CADM2: variants seen among roughly 807,000 people sequenced by gnomAD.
The protein encoded by CADM2 is immunoglobulin superfamily member 4D.
Under a neutral mutation model 49.8 loss-of-function variants are expected in CADM2, and 12 were observed. The observed-to-expected ratio is 0.24, with a 90% confidence interval of 0.15 to 0.39. The LOEUF is 0.39. Ranked by LOEUF, CADM2 falls within the 10% of genes least tolerant of loss-of-function variation. CADM2 has a pLI of 1.00. For missense variants in CADM2, 378 were observed against 492.3 expected (o/e 0.77, Z 2.20); for synonymous variants, 214 against 175.4 (o/e 1.22, Z -1.74).
chr3:86,063,885 G>A (rs1357014364), intron 8 of CADM2, among the ~76,000 whole-genome samples: 1 of 152,090 alleles, frequency 6.6e-6, no homozygotes, highest in East Asian at 1.9e-4. Flanking sequence ...GGGAGAGCAG[G>A]AAGTACACTC....
chr3:85,177,134 G>C (rs913769558), intron 1 of CADM2, among the ~76,000 whole-genome samples: 3 of 152,092 alleles, frequency 2.0e-5, no homozygotes, highest in Non-Finnish European at 4.4e-5. Context: ...TTGTTCATTT[G>C]ATGTGACTCA....
intron 1 of CADM2, among the ~76,000 whole-genome samples, chr3:85,008,402 C>G (rs2033840705): frequency 1.3e-5 from 2 of 152,054 alleles, no homozygotes; most frequent in Non-Finnish European, 2.9e-5. Flanking sequence ...GTTGAATTAC[C>G]TTACATTGTA....
At chr3:85,097,534 C>T (rs1381486170) in intron 1 of CADM2, among the ~76,000 whole-genome samples, 1 of 152,180 alleles carries the variant, frequency 6.6e-6, no homozygotes, top group African/African-American at 2.4e-5. Context: ...ATGGCCGGGT[C>T]AAATGGTATT....
chr3:85,252,256 A>T (rs1376036112), intron 1 of CADM2, among the ~76,000 whole-genome samples: 1 of 152,032 alleles, frequency 6.6e-6, no homozygotes, highest in Non-Finnish European at 1.5e-5. Context: ...TTACTTTGAC[A>T]TACACTCAGG....
chr3:85,861,239 G>A lies in CADM2; in HGVS notation c.239-22052G>A, dbSNP rs537550730. Among the ~76,000 whole-genome samples the A allele has an allele frequency of 2.0e-4, 30 of 152,242 alleles. No individual in the cohort carries two copies. In the South Asian group the frequency reaches 2.5e-3, roughly 13 times the overall value. On this transcript the variant is annotated intron_variant, in intron 3 of 9. Coordinates refer to ENST00000383699, the MANE Select transcript of CADM2 (RefSeq NM_001167675.2). The stretch of plus-strand genomic sequence containing the variant: ...ACTTGTGGCTTGAAGTATGGTGTTA[G>A]GAGTATAGGTAGTGAGAAATGCTTT...
At chr3:85,345,181 G>A (rs1162500159) in intron 1 of CADM2, among the ~76,000 whole-genome samples, 1 of 151,792 alleles carries the variant, frequency 6.6e-6, no homozygotes, top group African/African-American at 2.4e-5. Flanking sequence ...TGAGCATGGT[G>A]TGTGCACCCA....
intron 1 of CADM2, among the ~76,000 whole-genome samples, chr3:85,019,088 G>C (rs1360722383): frequency 1.3e-5 from 2 of 152,166 alleles, no homozygotes; most frequent in Admixed American, 6.5e-5. Context: ...TAGAAATTTG[G>C]TTTGTGACTA....
intron 6 of CADM2, among the ~76,000 whole-genome samples, chr3:85,934,661 T>C (rs560724803): frequency 6.6e-6 from 1 of 152,184 alleles, no homozygotes; most frequent in African/African-American, 2.4e-5. Context: ...ACATTTTATT[T>C]TATACTTTAT....
intron 1 of CADM2, among the ~76,000 whole-genome samples, chr3:85,359,164 C>A (rs2032119037): frequency 6.6e-6 from 1 of 152,040 alleles, no homozygotes; most frequent in African/African-American, 2.4e-5. Context: ...TATATTTCAA[C>A]CATGCAAATG....
At chr3:84,982,962 T>A (rs1157736262) in intron 1 of CADM2, among the ~76,000 whole-genome samples, 1 of 148,730 alleles carries the variant, frequency 6.7e-6, no homozygotes, top group Non-Finnish European at 1.5e-5. Flanking sequence ...TTAGCCATGA[T>A]GGTCTCAATC....
chr3:85,157,077 C>A (rs1470370219), intron 1 of CADM2, among the ~76,000 whole-genome samples: 2 of 152,084 alleles, frequency 1.3e-5, no homozygotes, highest in South Asian at 4.1e-4. Flanking sequence ...CATGAGTGAA[C>A]TCCCATTCAC....
chr3:85,873,976 G>A (rs1455928292), intron 3 of CADM2, among the ~76,000 whole-genome samples: 1 of 151,756 alleles, frequency 6.6e-6, no homozygotes, highest in Non-Finnish European at 1.5e-5. Context: ...AAATATATTG[G>A]CAATGAAAAA....
chr3:85,924,707 T>G (rs1164334415), intron 6 of CADM2, among the ~76,000 whole-genome samples: 1 of 152,248 alleles, frequency 6.6e-6, no homozygotes, highest in East Asian at 1.9e-4. Context: ...AAGGTCTTCC[T>G]TGTGGCCCAA....
chr3:85,506,039 G>T lies in CADM2; in HGVS notation c.62-220483G>T, dbSNP rs890194465. ...GATCCTTTTGTTTGATAAGGCAAAA[G>T]ACAATTAAAACTTGCATTATAATAC... On this transcript the variant is annotated intron_variant, in intron 1 of 9. Coordinates refer to ENST00000383699, the MANE Select transcript of CADM2 (RefSeq NM_001167675.2). Among the ~76,000 whole-genome samples, 5 of 152,114 alleles carry T rather than the reference G, an allele frequency of 3.3e-5. No individual in the cohort carries two copies. The East Asian group carries it at 9.6e-4, about 29-fold the overall frequency.
chr3:85,584,263 G>T, intron 1 of CADM2, among the ~76,000 whole-genome samples: 1 of 152,026 alleles, frequency 6.6e-6, no homozygotes, highest in East Asian at 1.9e-4. Flanking sequence ...AAAGCAGTCT[G>T]TAGAATACTG....
chr3:85,386,561 A>G (rs1559813835), intron 1 of CADM2, among the ~76,000 whole-genome samples: 1 of 152,134 alleles, frequency 6.6e-6, no homozygotes, highest in Non-Finnish European at 1.5e-5. Context: ...TAAAAACAGA[A>G]TTTCAAACCT....
At chr3:85,267,968 A>C (rs1256936931) in intron 1 of CADM2, among the ~76,000 whole-genome samples, 1 of 151,724 alleles carries the variant, frequency 6.6e-6, no homozygotes, top group Non-Finnish European at 1.5e-5. Context: ...TGTATTAGGC[A>C]CTATGTAAAT....
chr3:86,029,541 A>AT (rs199974026), intron 8 of CADM2, among the ~76,000 whole-genome samples: 63 of 151,030 alleles, frequency 4.2e-4, no homozygotes, highest in Middle Eastern at 3.4e-3. Context: ...AGTGATTTGC[A>AT]TTTTTTTTTC....
chr3:85,041,995 C>T (rs2035462171), intron 1 of CADM2, among the ~76,000 whole-genome samples: 1 of 152,204 alleles, frequency 6.6e-6, no homozygotes, highest in Non-Finnish European at 1.5e-5. Flanking sequence ...GCTTGTTTCA[C>T]ACATGCATAA....
Sources: gnomAD v4.1 joint callset for allele counts (sites outside exome capture counted in the v4.1 genomes callset) on GRCh38, gnomAD v4.1.1 for gene constraint, MANE v1.5 for transcripts, NCBI Gene and HGNC (gene_info 2026-07-23, HGNC 2026-07-21) for gene names.